Variants in IL1RAPL2 observed in about 807,000 individuals in gnomAD.
IL1RAPL2 encodes the protein X-linked interleukin-1 receptor accessory protein-like 2.
IL1RAPL2 carries 3 observed loss-of-function variants against 44.1 expected under a neutral mutation model. That is an observed-to-expected ratio of 0.07 (90% CI 0.03 to 0.18). IL1RAPL2 has a LOEUF of 0.18. Among genes scored for constraint, IL1RAPL2 ranks in the 10% least tolerant of loss-of-function variants. The pLI, the probability that IL1RAPL2 is intolerant of heterozygous loss-of-function variation, is 1.00. For missense variants in IL1RAPL2, 391 were observed against 496.4 expected, an observed-to-expected ratio of 0.79 and a Z score of 2.02; for synonymous variants, 181 against 178.8, an observed-to-expected ratio of 1.01 and a Z score of -0.10.
intron 2 of IL1RAPL2, among the ~76,000 whole-genome samples, chrX:105,142,099 T>C (rs896436688): frequency 9.0e-6 from 1 of 111,217 alleles, no homozygotes; most frequent in Admixed American, 9.6e-5. Context: ...TTCTCTCAGA[T>C]ATGTTCTTTT....
At chrX:105,612,517 C>T (rs1257585699) in intron 6 of IL1RAPL2, among the ~76,000 whole-genome samples, 1 of 112,179 alleles carries the variant, frequency 8.9e-6, no homozygotes, top group Non-Finnish European at 1.9e-5. Context: ...TTTGTCTACA[C>T]ACAGAAAAAG....
intron 2 of IL1RAPL2, among the ~76,000 whole-genome samples, chrX:104,966,871 T>A (rs1179473346): frequency 8.9e-6 from 1 of 112,435 alleles, no homozygotes; most frequent in East Asian, 2.8e-4. Flanking sequence ...AAAACTTCAT[T>A]TATGGACACT....
chrX:105,146,900 A>G (rs948392738), intron 2 of IL1RAPL2, among the ~76,000 whole-genome samples: 3 of 111,863 alleles, frequency 2.7e-5, no homozygotes, highest in Non-Finnish European at 5.6e-5. Flanking sequence ...CATCTTGAAG[A>G]AGGGTATTAT....
chrX:105,027,317 C>T (rs928521247), intron 2 of IL1RAPL2, among the ~76,000 whole-genome samples: 7 of 110,975 alleles, frequency 6.3e-5, no homozygotes, highest in Non-Finnish European at 1.9e-5. Flanking sequence ...CAAAAATGGA[C>T]AAATAGGATC....
At chrX:105,439,661 A>G (rs2035906942) in intron 5 of IL1RAPL2, among the ~76,000 whole-genome samples, 1 of 111,700 alleles carries the variant, frequency 9.0e-6, no homozygotes, top group Admixed American at 9.5e-5. Context: ...TTTTTGGTAC[A>G]GGCCAGAGAA....
chrX:104,630,615 T>C (rs1012410209), intron 1 of IL1RAPL2, among the ~76,000 whole-genome samples: 2 of 111,083 alleles, frequency 1.8e-5, no homozygotes, highest in Non-Finnish European at 3.8e-5. Flanking sequence ...TCTTTTTATT[T>C]AAGATTGCTG....
chrX:104,690,625 G>A (rs1040087888), intron 2 of IL1RAPL2, among the ~76,000 whole-genome samples: 20 of 111,860 alleles, frequency 1.8e-4, no homozygotes, highest in Admixed American at 1.4e-3. Context: ...TAATAAAATC[G>A]TACTCTCCTA....
At chrX:104,800,576 A>G (rs929582435) in intron 2 of IL1RAPL2, among the ~76,000 whole-genome samples, 7 of 112,601 alleles carry the variant, frequency 6.2e-5, no homozygotes, top group Non-Finnish European at 1.1e-4. Flanking sequence ...TTTAATTAGT[A>G]AAATACAAAT....
intron 2 of IL1RAPL2, among the ~76,000 whole-genome samples, chrX:104,880,630 A>G (rs2147657997): frequency 8.9e-6 from 1 of 111,959 alleles, no homozygotes; most frequent in South Asian, 3.7e-4. Context: ...ACACAGCTTC[A>G]TGATTCATTT....
At chrX:105,259,657 G>A in intron 4 of IL1RAPL2, among the ~76,000 whole-genome samples, 1 of 111,422 alleles carries the variant, frequency 9.0e-6, no homozygotes, top group Non-Finnish European at 1.9e-5. Flanking sequence ...GTGGGAGATG[G>A]ACTGGCCTCC....
chrX:105,441,882 C>T (rs1020661057), intron 5 of IL1RAPL2, among the ~76,000 whole-genome samples: 1 of 110,169 alleles, frequency 9.1e-6, no homozygotes, highest in Non-Finnish European at 1.9e-5. Flanking sequence ...GATGGTACCT[C>T]ATCATACCAT....
At chrX:104,578,899 T>G (rs1191297486) in intron 1 of IL1RAPL2, among the ~76,000 whole-genome samples, 1 of 111,704 alleles carries the variant, frequency 9.0e-6, no homozygotes, top group Non-Finnish European at 1.9e-5. Context: ...GCTCACAACT[T>G]AATATTCATA....
rs1489203542 is a variant in IL1RAPL2, at chrX:105,536,599, T to C, written c.772+52212T>C. Among the ~76,000 whole-genome samples, 3 of 111,041 alleles carry C rather than the reference T, an allele frequency of 2.7e-5. No individual in the cohort carries two copies. The East Asian group carries it at 8.5e-4, about 31-fold the overall frequency. On this transcript the variant is annotated intron_variant, in intron 6 of 10. Coordinates refer to ENST00000372582, the MANE Select transcript of IL1RAPL2 (RefSeq NM_017416.2). ...GACTTTTTGGGTGTGGTTTTGATTT[T>C]TTCTTTTCTGGAGAACCAGTTGTCA...
chrX:104,968,670 G>A (rs1400742091), intron 2 of IL1RAPL2, among the ~76,000 whole-genome samples: 1 of 111,358 alleles, frequency 9.0e-6, no homozygotes, highest in Non-Finnish European at 1.9e-5. Flanking sequence ...GTTAATGATA[G>A]TTTAACAAAA....
At chrX:105,081,037 G>T (rs2032398626) in intron 2 of IL1RAPL2, among the ~76,000 whole-genome samples, 1 of 110,939 alleles carries the variant, frequency 9.0e-6, no homozygotes, top group Non-Finnish European at 1.9e-5. Context: ...TTGGTGTATA[G>T]GAATGCTTGT....
At chrX:105,765,071 T>C (rs955066651) in intron 10 of IL1RAPL2, 3 of 109,426 alleles carry the variant, frequency 2.7e-5, no homozygotes, top group Non-Finnish European at 5.7e-5. Flanking sequence ...TGTATCTTCA[T>C]TGACTCCTGC....
chrX:105,660,283 G>A (rs1248655537), intron 6 of IL1RAPL2, among the ~76,000 whole-genome samples: 2 of 111,301 alleles, frequency 1.8e-5, no homozygotes, highest in African/African-American at 3.3e-5. Context: ...CAGTGCAAAT[G>A]TCCTTCAAAC....
chrX:105,332,753 T>C (rs2034996705), intron 5 of IL1RAPL2, among the ~76,000 whole-genome samples: 1 of 111,691 alleles, frequency 9.0e-6, no homozygotes, highest in Admixed American at 9.6e-5. Context: ...TTTTAAAAAG[T>C]AGTAGTCCAA....
intron 1 of IL1RAPL2, among the ~76,000 whole-genome samples, chrX:104,604,671 C>T (rs985066758): frequency 4.2e-4 from 42 of 100,715 alleles, no homozygotes; most frequent in Non-Finnish European, 7.4e-4. Flanking sequence ...AGCTGCAATC[C>T]TAGTCTCTGA....
Sources: allele counts gnomAD v4.1 joint callset (sites outside exome capture counted in the v4.1 genomes callset), GRCh38; gene constraint gnomAD v4.1.1; transcripts MANE v1.5; gene names NCBI Gene and HGNC (gene_info 2026-07-23, HGNC 2026-07-21).